Variants in AFTPH observed in about 807,000 individuals in gnomAD.
The protein encoded by AFTPH is aftiphilin.
In AFTPH, 7 loss-of-function variants were observed where a neutral mutation model predicts 72.5. The ratio of observed to expected loss-of-function variants is 0.10; its 90% CI spans 0.05 to 0.18. AFTPH has a LOEUF of 0.18. Ranked by LOEUF, AFTPH falls within the 10% of genes least tolerant of loss-of-function variation. AFTPH has a pLI of 1.00. For missense variants in AFTPH, 979 were observed against 1,060.5 expected (o/e 0.92, Z 1.07); for synonymous variants, 337 against 370.1 (o/e 0.91, Z 1.03).
At chr2:64,578,405 AAAC>A (rs1672954185) in intron 6 of AFTPH, among the ~76,000 whole-genome samples, 2 of 152,234 alleles carry the variant, frequency 1.3e-5, no homozygotes, top group Admixed American at 6.5e-5. Flanking sequence ...GAAAAGAAAA[AAAC>A]AACCAACATT....
rs1286357171 is a variant in AFTPH at position 64,548,180 on chromosome 2, T to G, written c.-32-3263T>G. 2.0e-4 allele frequency among the ~76,000 whole-genome samples: 29 copies of G among 143,524 alleles called. 1 individual carries two copies. The South Asian group carries it at 6.2e-3, about 31-fold the overall frequency. 94.2% of individuals were successfully genotyped at this position (143,524 alleles called of 152,430 possible). Reference sequence around the variant, plus strand: ...AGGCCGAGGCGGGTGGATCATGAGGTCAGGAGATCGAGACCATCCTGGCTA... The same window carrying G: ...AGGCCGAGGCGGGTGGATCATGAGGGCAGGAGATCGAGACCATCCTGGCTA... On this transcript the variant is annotated intron_variant, in intron 1 of 8. Coordinates refer to ENST00000238856, the Ensembl canonical transcript of AFTPH.
intron 6 of AFTPH, among the ~76,000 whole-genome samples, chr2:64,573,355 A>G (rs1046839011): frequency 2.0e-5 from 3 of 152,120 alleles, no homozygotes; most frequent in Non-Finnish European, 4.4e-5. Flanking sequence ...GGTTTAAAAC[A>G]GGTATCTCTA....
intron 6 of AFTPH, among the ~76,000 whole-genome samples, chr2:64,578,716 C>T (rs923761257): frequency 7.8e-6 from 1 of 127,778 alleles, no homozygotes; most frequent in Non-Finnish European, 1.7e-5. Context: ...TGCCACCATG[C>T]CTGGCTAATT....
At chr2:64,580,989 ATTG>A (rs1673164060) in intron 7 of AFTPH, 198 bp from the exon 8 acceptor site, 3 of 395,464 alleles carry the variant, frequency 7.6e-6, no homozygotes, top group South Asian at 4.3e-5. Context: ...ATTGAATTAA[ATTG>A]TTATTTTAGA....
chr2:64,546,870 TA>T (rs34040464), intron 1 of AFTPH, among the ~76,000 whole-genome samples: 52,016 of 126,880 alleles, frequency 0.41, 9,446 homozygotes, highest in African/African-American at 0.49. Context: ...CCGTCTCTAC[TA>T]AAAAAAAAAA....
intron 1 of AFTPH, among the ~76,000 whole-genome samples, chr2:64,545,570 TAAAAAAAAAAAAAAAAAAAAA>T (rs58124855): frequency 0.063 from 1,520 of 24,158 alleles, 45 homozygotes; most frequent in African/African-American, 0.12. Context: ...CCACCAGCAG[TAAAAAAAAAAAAAAAAAAAAA>T]AAAAAAAAAA....
intron 1 of AFTPH, among the ~76,000 whole-genome samples, chr2:64,540,160 C>A (rs1048697708): frequency 6.6e-6 from 1 of 152,056 alleles, no homozygotes; most frequent in South Asian, 2.1e-4. Flanking sequence ...ATTTTCATTG[C>A]AGAGTTTCAG....
chr2:64,572,842 C>A (rs993881457), intron 5 of AFTPH, 104 bp from the exon 6 acceptor site: 3 of 1,434,818 alleles, frequency 2.1e-6, no homozygotes, highest in Admixed American at 4.5e-5. Context: ...GTCTTCAGTA[C>A]TTTCCAAGTG....
chr2:64,577,940 C>G (rs774036063), intron 6 of AFTPH, among the ~76,000 whole-genome samples: 21 of 151,874 alleles, frequency 1.4e-4, no homozygotes, highest in Admixed American at 2.6e-4. Context: ...TAGGTAGATT[C>G]CTGTAACCAC....
At chr2:64,535,411 T>C (rs1669835265) in intron 1 of AFTPH, among the ~76,000 whole-genome samples, 1 of 152,230 alleles carries the variant, frequency 6.6e-6, no homozygotes, top group East Asian at 1.9e-4. Flanking sequence ...TGTGATTTGC[T>C]TTGTTAAATG....
chr2:64,563,940 T>C (rs961259403), intron 2 of AFTPH, among the ~76,000 whole-genome samples: 3 of 152,188 alleles, frequency 2.0e-5, no homozygotes, highest in Non-Finnish European at 4.4e-5. Flanking sequence ...TAATGTGTGG[T>C]TTATACATTT....
intron 1 of AFTPH, among the ~76,000 whole-genome samples, chr2:64,546,570 C>T (rs1392817183): frequency 6.7e-6 from 1 of 148,682 alleles, no homozygotes; most frequent in East Asian, 2.0e-4. Flanking sequence ...TCTTTGAATG[C>T]TTTTTTTTTT....
intron 1 of AFTPH, among the ~76,000 whole-genome samples, chr2:64,531,946 T>G (rs1669653762): frequency 6.6e-6 from 1 of 152,228 alleles, no homozygotes; most frequent in Non-Finnish European, 1.5e-5. Flanking sequence ...AATACATAGA[T>G]TTTTTAAAAT....
intron 1 of AFTPH, among the ~76,000 whole-genome samples, chr2:64,526,411 TC>T (rs1558586417): frequency 6.6e-6 from 1 of 152,124 alleles, no homozygotes; most frequent in Non-Finnish European, 1.5e-5. Flanking sequence ...TCCCAACCCT[TC>T]CCCCAAATCT....
intron 2 of AFTPH, among the ~76,000 whole-genome samples, chr2:64,554,545 T>TA (rs1275398837): frequency 6.6e-6 from 1 of 152,248 alleles, no homozygotes; most frequent in Non-Finnish European, 1.5e-5. Flanking sequence ...TTGAAATACT[T>TA]ATATTTCATT....
chr2:64,576,074 TACACACACACAC>T (rs55774717), intron 6 of AFTPH, among the ~76,000 whole-genome samples: 4,529 of 127,712 alleles, frequency 0.035, 235 homozygotes, highest in African/African-American at 0.11. Flanking sequence ...TTTGGCATGC[TACACACACACAC>T]ACACACACAC....
At chr2:64,564,201 G>T (rs1035167741) in intron 2 of AFTPH, among the ~76,000 whole-genome samples, 1 of 152,110 alleles carries the variant, frequency 6.6e-6, no homozygotes, top group African/African-American at 2.4e-5. Context: ...TTGATAAATT[G>T]AGATAAGTAT....
chr2:64,578,409 A>C (rs1257890827), intron 6 of AFTPH, among the ~76,000 whole-genome samples: 2 of 151,630 alleles, frequency 1.3e-5, no homozygotes, highest in Non-Finnish European at 3.0e-5. Context: ...AGAAAAAAAC[A>C]ACCAACATTT....
exon 9 of AFTPH, chr2:64,592,955 G>A (rs1409007624): frequency 6.6e-6 from 1 of 152,618 alleles, no homozygotes; most frequent in African/African-American, 2.4e-5. Flanking sequence ...TGAAATTTCA[G>A]TGTGTAAATT....
Sources: gnomAD v4.1 joint callset for allele counts (sites outside exome capture counted in the v4.1 genomes callset) on GRCh38, gnomAD v4.1.1 for gene constraint, MANE v1.5 for transcripts, NCBI Gene and HGNC (gene_info 2026-07-23, HGNC 2026-07-21) for gene names.